The following ATP10D variants were observed in gnomAD, a reference collection of about 807,000 sequenced individuals.
The protein encoded by ATP10D is ATPase phospholipid transporting 10D (putative), also known as phospholipid-transporting ATPase VD.
In ATP10D, 89 loss-of-function variants were observed where a neutral mutation model predicts 144.8. The ratio of observed to expected loss-of-function variants is 0.61; its 90% CI spans 0.52 to 0.73. The LOEUF is 0.73. Ranked by LOEUF, ATP10D falls within the 30% of genes least tolerant of loss-of-function variation. ATP10D has a pLI of 0.00. For synonymous variants in ATP10D, 571 were observed against 615.1 expected (o/e 0.93, Z 1.06); for missense variants, 1,603 against 1,714.8 (o/e 0.93, Z 1.15).
intron 1 of ATP10D, among the ~76,000 whole-genome samples, chr4:47,500,363 T>C (rs1715620088): frequency 6.6e-6 from 1 of 152,252 alleles, no homozygotes; most frequent in South Asian, 2.1e-4. Context: ...ACTGTAATTA[T>C]ATGGGAGCCT....
intron 15 of ATP10D, among the ~76,000 whole-genome samples, chr4:47,568,327 C>T (rs149869563): frequency 6.4e-4 from 98 of 152,254 alleles, no homozygotes; most frequent in Admixed American, 1.0e-3. Flanking sequence ...TGAATGAATA[C>T]GTTGAATCAA....
intron 18 of ATP10D, among the ~76,000 whole-genome samples, chr4:47,576,056 C>T (rs1425523919): frequency 8.0e-5 from 12 of 149,836 alleles, no homozygotes; most frequent in Admixed American, 4.0e-4. Flanking sequence ...CTCAGCCTCC[C>T]AAGTAGCTGG....
At chr4:47,517,067 G>A (rs1032091336) in intron 3 of ATP10D, among the ~76,000 whole-genome samples, 2 of 152,190 alleles carry the variant, frequency 1.3e-5, no homozygotes, top group Non-Finnish European at 2.9e-5. Flanking sequence ...GTCAAATTTA[G>A]CAAATGGAAA....
chr4:47,540,721 C>T (rs768293317), intron 9 of ATP10D, among the ~76,000 whole-genome samples: 3 of 152,080 alleles, frequency 2.0e-5, no homozygotes, highest in South Asian at 2.1e-4. Flanking sequence ...AATTGAAACC[C>T]ATATTTTATT....
chr4:47,519,690 T>C (rs1577638285), intron 3 of ATP10D, among the ~76,000 whole-genome samples: 1 of 152,172 alleles, frequency 6.6e-6, no homozygotes. Context: ...TTTGCCTGAT[T>C]CATTCTTGAA....
Position 47,511,561 on chromosome 4 carries a change from G to A in ATP10D, c.-37-943G>A, listed in dbSNP as rs117313283. On this transcript the variant is annotated intron_variant, in intron 1 of 22. Transcript: ENST00000273859. The stretch of plus-strand genomic sequence containing the variant: ...GTTTTGATTAACAAACTCCAGGTAG[G>A]GCTGCATTTCTTGGAAAATAAGGAA... Among the ~76,000 whole-genome samples, 7 of 152,178 alleles carry A rather than the reference G, an allele frequency of 4.6e-5. No homozygotes were observed. In the East Asian group the frequency reaches 1.4e-3, roughly 29 times the overall value.
chr4:47,570,727 C>T (rs962143499), intron 16 of ATP10D, among the ~76,000 whole-genome samples: 4 of 151,334 alleles, frequency 2.6e-5, no homozygotes, highest in Admixed American at 6.6e-5. Context: ...CACTTGCACC[C>T]GGGAAGCGGA....
Position 47,591,116 on chromosome 4 carries a change from C to T in ATP10D, c.4016C>T (p.Thr1339Ile). Residue 1339 changes from threonine (T) to isoleucine (I), a missense_variant, in exon 23 of 23, where the codon ACT (threonine) becomes ATT (isoleucine). Physicochemically the swap from Thr to Ile is moderately conservative, Grantham distance 89. Coordinates refer to ENST00000273859, the MANE Select transcript of ATP10D (RefSeq NM_020453.4). ...ILRAKHFDRL[T>I]PEERTKALKK... ...AGAGCTAAGCACTTTGACAGACTAA[C>T]TCCAGAGGAGAGGACTAAAGCTCTC... 6.2e-7 allele frequency: 1 copy of T among 1,613,334 alleles called. No individual in the cohort carries two copies. Among genetic ancestry groups the T allele is most frequent in the Non-Finnish European group, 8.5e-7 (1 of 1,179,508 alleles).
At chr4:47,558,803 CAAAA>C (rs1224574484) in intron 12 of ATP10D, 116 bp from the exon 13 acceptor site, 14 of 789,416 alleles carry the variant, frequency 1.8e-5, no homozygotes, top group Non-Finnish European at 2.9e-5. Context: ...ATTTGGGATT[CAAAA>C]CCAGAAGGCT....
intron 9 of ATP10D, among the ~76,000 whole-genome samples, chr4:47,537,317 C>T (rs962876896): frequency 1.1e-4 from 17 of 152,088 alleles, no homozygotes; most frequent in African/African-American, 4.1e-4. Context: ...CATTGTTTGG[C>T]CCCTAGGTAT....
chr4:47,501,532 T>C (rs1715680428), intron 1 of ATP10D, among the ~76,000 whole-genome samples: 1 of 152,218 alleles, frequency 6.6e-6, no homozygotes, highest in African/African-American at 2.4e-5. Flanking sequence ...AACCCTCACA[T>C]TCCTTGATGG....
intron 10 of ATP10D, among the ~76,000 whole-genome samples, chr4:47,551,642 C>T (rs904642664): frequency 1.3e-5 from 2 of 152,170 alleles, no homozygotes; most frequent in Admixed American, 6.5e-5. Context: ...AAGATATGGT[C>T]CTTACTTTAA....
Position 47,552,024 on chromosome 4 carries a change from G to A in ATP10D, c.1636-2702G>A, listed in dbSNP as rs540076602. Among the ~76,000 whole-genome samples, 6 of 152,166 alleles carry A rather than the reference G, an allele frequency of 3.9e-5. No individual in the cohort carries two copies. The South Asian group carries it at 1.2e-3, about 32-fold the overall frequency. ...TGTAGACCTTTCCTTAAATCTTCTG[G>A]GCTCTTTTATGTATGTTGTTTTATA... On this transcript the variant is annotated intron_variant, in intron 10 of 22. Coordinates refer to ENST00000273859, the MANE Select transcript of ATP10D (RefSeq NM_020453.4).
At chr4:47,543,172 A>G (rs1718246128) in intron 9 of ATP10D, among the ~76,000 whole-genome samples, 1 of 152,094 alleles carries the variant, frequency 6.6e-6, no homozygotes, top group Non-Finnish European at 1.5e-5. Context: ...ATTGTTGTTA[A>G]TCTTTTACTA....
At chr4:47,564,741 A>G (rs536609133) in intron 15 of ATP10D, among the ~76,000 whole-genome samples, 1 of 152,332 alleles carries the variant, frequency 6.6e-6, no homozygotes, top group African/African-American at 2.4e-5. Flanking sequence ...TATTTTTCTC[A>G]GAAGCCTTCC....
At chr4:47,530,237 A>T (rs1717493616) in intron 5 of ATP10D, among the ~76,000 whole-genome samples, 1 of 151,760 alleles carries the variant, frequency 6.6e-6, no homozygotes, top group South Asian at 2.1e-4. Context: ...AACGGTTATT[A>T]GGGGGAATGC....
chr4:47,588,080 GA>G (rs1720871490), intron 22 of ATP10D, among the ~76,000 whole-genome samples: 1 of 152,158 alleles, frequency 6.6e-6, no homozygotes, highest in South Asian at 2.1e-4. Context: ...GCTGGGTGTT[GA>G]GGGACAAGTA....
At chr4:47,559,122 A>G in intron 13 of ATP10D, 93 bp downstream of exon 13, 1 of 920,622 alleles carries the variant, frequency 1.1e-6, no homozygotes, top group Non-Finnish European at 1.7e-6. Context: ...CCTAATCCAG[A>G]TGCTGGGGAA....
rs79665719 is a variant in ATP10D, at chr4:47,493,427, A to G, written c.-38+7908A>G. Among the ~76,000 whole-genome samples, 776 of 152,328 alleles carry G rather than the reference A, an allele frequency of 5.1e-3. 6 individuals carry two copies. Among genetic ancestry groups the G allele is most frequent in the African/African-American group, 0.016 (657 of 41,574 alleles). ...CTTCCAGTATAGTGTTCGATAAAGTACATGAGATATTTAACACTTGATTAT... is the reference window on the plus strand; with the variant it reads ...CTTCCAGTATAGTGTTCGATAAAGTGCATGAGATATTTAACACTTGATTAT... On this transcript the variant is annotated intron_variant, in intron 1 of 22. Transcript: ENST00000273859.
Sources: gnomAD v4.1 joint callset for allele counts (sites outside exome capture counted in the v4.1 genomes callset) on GRCh38, gnomAD v4.1.1 for gene constraint, MANE v1.5 for transcripts, NCBI Gene and HGNC (gene_info 2026-07-23, HGNC 2026-07-21) for gene names.